Variants in CEACAM21 observed in about 807,000 individuals in gnomAD.
CEACAM21 encodes the protein CEA cell adhesion molecule 21, also known as cell adhesion molecule CEACAM21.
A neutral mutation model predicts 33.2 loss-of-function variants in CEACAM21; 38 were observed. The ratio of observed to expected loss-of-function variants is 1.14; its 90% CI spans 0.88 to 1.50. The LOEUF (loss-of-function observed/expected upper bound fraction) is 1.50, where lower values mean the gene tolerates loss of function less well. Ranked by LOEUF, CEACAM21 falls within the 40% of genes most tolerant of loss-of-function variation. The pLI is 0.00. For missense variants in CEACAM21, 385 were observed against 364.6 expected (o/e 1.06, Z -0.46); for synonymous variants, 156 against 143.0 (o/e 1.09, Z -0.65).
At chr19:41,555,022 A>G (rs1044079623) in intron 1 of CEACAM21, 1 of 152,048 alleles carries the variant, frequency 6.6e-6, no homozygotes, top group Non-Finnish European at 1.5e-5. Context: ...GCTGAGCTCT[A>G]AAGCATGTGA....
chr19:41,579,089 G>A (rs1555792311), intron 2 of CEACAM21, among the ~76,000 whole-genome samples: 1 of 152,040 alleles, frequency 6.6e-6, no homozygotes, highest in African/African-American at 2.4e-5. Flanking sequence ...CATCTCATGT[G>A]ACTCTGGGGC....
intron 1 of CEACAM21, among the ~76,000 whole-genome samples, chr19:41,559,955 G>T (rs1181487783): frequency 2.0e-5 from 3 of 152,246 alleles, no homozygotes; most frequent in Non-Finnish European, 4.4e-5. Flanking sequence ...TTGCATCTCA[G>T]CCTGGACAAC....
intron 6 of CEACAM21, 37 bp downstream of exon 6, chr19:41,585,908 G>C (rs993165743): frequency 1.9e-5 from 30 of 1,608,292 alleles, no homozygotes; most frequent in Non-Finnish European, 2.5e-5. Context: ...TTCCACTGGG[G>C]CCCCAGCTGT....
intron 1 of CEACAM21, among the ~76,000 whole-genome samples, chr19:41,564,243 T>C (rs2042098319): frequency 6.6e-6 from 1 of 152,134 alleles, no homozygotes; most frequent in Non-Finnish European, 1.5e-5. Context: ...ACCTCCTGCT[T>C]AAAACCCAAA....
intron 1 of CEACAM21, among the ~76,000 whole-genome samples, chr19:41,560,615 A>G (rs1451109005): frequency 2.6e-5 from 4 of 152,252 alleles, no homozygotes; most frequent in African/African-American, 9.6e-5. Context: ...GACAGCAGTA[A>G]ATAAAACAGA....
At chr19:41,572,944 G>C (rs1687853285), upstream of CEACAM21, among the ~76,000 whole-genome samples, 1 of 152,150 alleles carries the variant, frequency 6.6e-6, no homozygotes, top group Admixed American at 6.5e-5. Context: ...AAGGCAGATG[G>C]GGCCCCTCCA....
chr19:41,563,046 G>T (rs1555787284), intron 1 of CEACAM21, among the ~76,000 whole-genome samples: 1 of 152,154 alleles, frequency 6.6e-6, no homozygotes, highest in Non-Finnish European at 1.5e-5. Flanking sequence ...TCATTTTCAA[G>T]AAGTTTAAAA....
At chr19:41,571,453 G>A (rs535117495), upstream of CEACAM21, among the ~76,000 whole-genome samples, 3 of 152,210 alleles carry the variant, frequency 2.0e-5, no homozygotes, top group South Asian at 6.2e-4. Flanking sequence ...ACTACAAAGT[G>A]GGACATGGGG....
intron 2 of CEACAM21, among the ~76,000 whole-genome samples, chr19:41,570,085 C>G (rs1440185499): frequency 2.0e-5 from 3 of 152,218 alleles, no homozygotes; most frequent in African/African-American, 7.2e-5. Context: ...CCTGGTGCCA[C>G]AGCGACAGCG....
At chr19:41,572,664 A>G (rs1019174102), upstream of CEACAM21, among the ~76,000 whole-genome samples, 4 of 152,148 alleles carry the variant, frequency 2.6e-5, no homozygotes, top group Non-Finnish European at 4.4e-5. Context: ...GTGCACACCC[A>G]AAACCACCCC....
intron 1 of CEACAM21, chr19:41,551,624 G>A (rs1412631447): frequency 6.6e-6 from 1 of 152,264 alleles, no homozygotes; most frequent in Non-Finnish European, 1.5e-5. Context: ...TAGGAAATGG[G>A]AATGTTTCAC....
At position 41,579,405 on chromosome 19, in the gene CEACAM21, G is replaced by C; in HGVS notation, c.477G>C (p.Lys159Asn). 3 of 1,613,946 alleles carry C rather than the reference G, an allele frequency of 1.9e-6. No individual in the cohort carries two copies. The highest frequency in any genetic ancestry group is 2.5e-6 in the Non-Finnish European group (3 of 1,179,878). ...IQASSTTVTE[K>N]GSVVLTCHTN... is the part of the protein sequence containing the mutation. ...CCAGCAGCACCACAGTCACAGAGAA[G>C]GGCTCCGTGGTCCTGACCTGCCACA... Residue 159 changes from lysine to asparagine, a missense_variant, in exon 3 of 7, where the codon AAG becomes AAC. Physicochemically the swap from Lys to Asn is moderately conservative, Grantham distance 94 (BLOSUM62 0). Transcript: ENST00000401445.
chr19:41,585,516 GGT>G (rs1555795081), intron 5 of CEACAM21, 21 bp downstream of exon 5: 1 of 1,613,504 alleles, frequency 6.2e-7, no homozygotes, highest in Admixed American at 1.7e-5. Context: ...CTTCAGTCTG[GGT>G]GTGGCTGGGA....
chr19:41,586,272 G>A, intron 6 of CEACAM21, 192 bp from the exon 7 acceptor site: 2 of 525,554 alleles, frequency 3.8e-6, no homozygotes, highest in South Asian at 1.8e-5. Flanking sequence ...GCATCTGGCT[G>A]AGCTGAAGTT....
intron 3 of CEACAM21, 82 bp from the exon 4 acceptor site, chr19:41,584,265 A>G (rs1555794316): frequency 1.7e-6 from 2 of 1,179,080 alleles, no homozygotes; most frequent in Admixed American, 2.0e-5. Context: ...TTCCTCCCTG[A>G]CCATGCCCCT....
chr19:41,550,097 T>A (rs2041127423), intron 1 of CEACAM21: 1 of 152,236 alleles, frequency 6.6e-6, no homozygotes, highest in African/African-American at 2.4e-5. Flanking sequence ...CAACTGTTGA[T>A]GATTGTACTA....
chr19:41,563,461 C>T (rs997886072), intron 1 of CEACAM21, among the ~76,000 whole-genome samples: 7 of 152,314 alleles, frequency 4.6e-5, no homozygotes, highest in African/African-American at 1.4e-4. Flanking sequence ...GTAACCCCAT[C>T]GGGGTGTGGA....
At chr19:41,563,724 T>G (rs1207622155) in intron 1 of CEACAM21, among the ~76,000 whole-genome samples, 1 of 152,186 alleles carries the variant, frequency 6.6e-6, no homozygotes, top group Non-Finnish European at 1.5e-5. Context: ...AGCTTCAGGG[T>G]TGTCACCAAC....
chr19:41,574,765 T>C (rs1345077860), upstream of CEACAM21, among the ~76,000 whole-genome samples: 10 of 152,194 alleles, frequency 6.6e-5, no homozygotes, highest in Admixed American at 6.5e-4. Flanking sequence ...CACAGCAAAC[T>C]GGAAAACAGT....
Sources: gnomAD v4.1 joint callset for allele counts (sites outside exome capture counted in the v4.1 genomes callset) on GRCh38, gnomAD v4.1.1 for gene constraint, MANE v1.5 for transcripts, NCBI Gene and HGNC (gene_info 2026-07-23, HGNC 2026-07-21) for gene names.